Variants in ADD2 observed in about 807,000 individuals in gnomAD.
ADD2 encodes the protein beta-adducin.
A neutral mutation model predicts 83.0 loss-of-function variants in ADD2; 23 were observed. The ratio of observed to expected loss-of-function variants is 0.28; its 90% CI spans 0.20 to 0.39. The LOEUF (loss-of-function observed/expected upper bound fraction) is 0.39. Among genes scored for constraint, ADD2 ranks in the 10% least tolerant of loss-of-function variants. ADD2 has a pLI of 1.00. For missense variants in ADD2, 758 were observed against 944.9 expected, an observed-to-expected ratio of 0.80 and a Z score of 2.59; for synonymous variants, 375 against 375.4, an observed-to-expected ratio of 1.00 and a Z score of 0.01.
chr2:70,678,984 C>A, intron 10 of ADD2, 23 bp from the exon 11 acceptor site: 2 of 1,585,296 alleles, frequency 1.3e-6, no homozygotes, highest in South Asian at 1.2e-5. Context: ...AAAATAGAAC[C>A]ACTTATGGGG....
chr2:70,671,926 A>T (rs1169930466), intron 15 of ADD2, among the ~76,000 whole-genome samples: 1 of 152,144 alleles, frequency 6.6e-6, no homozygotes, highest in Non-Finnish European at 1.5e-5. Context: ...GGGACCTGGG[A>T]TGGAGTGTGC....
chr2:70,743,333 T>A (rs549074458), intron 1 of ADD2, among the ~76,000 whole-genome samples: 1 of 152,322 alleles, frequency 6.6e-6, no homozygotes, highest in African/African-American at 2.4e-5. Context: ...TTTGGTTGTA[T>A]TTTTACTCCA....
chr2:70,697,276 G>T (rs1042433894), intron 4 of ADD2, among the ~76,000 whole-genome samples: 4 of 152,242 alleles, frequency 2.6e-5, no homozygotes, highest in Non-Finnish European at 5.9e-5. Context: ...CTCAGGCAGG[G>T]TACCTAGGCT....
chr2:70,732,551 G>A (rs1227326605), intron 1 of ADD2, among the ~76,000 whole-genome samples: 2 of 152,126 alleles, frequency 1.3e-5, no homozygotes, highest in Non-Finnish European at 2.9e-5. Context: ...GACAGACTAC[G>A]AGACCAGGGT....
chr2:70,690,678 TTC>T (rs1670980371), intron 8 of ADD2, 106 bp downstream of exon 8: 2 of 1,303,254 alleles, frequency 1.5e-6, no homozygotes, highest in African/African-American at 3.0e-5. Flanking sequence ...TTTCTTTTTT[TTC>T]CCCCCTCTCT....
At chr2:70,767,809 C>A (rs1490294368) in intron 1 of ADD2, 77 bp downstream of exon 1, 33 of 1,521,250 alleles carry the variant, frequency 2.2e-5, no homozygotes, top group Non-Finnish European at 2.8e-5. Context: ...CCCGCCCGGC[C>A]GAGGGATGCC....
chr2:70,742,285 G>C (rs1005078230), intron 1 of ADD2, among the ~76,000 whole-genome samples: 1 of 152,090 alleles, frequency 6.6e-6, no homozygotes, highest in East Asian at 1.9e-4. Context: ...ACCCATTTGT[G>C]TCTGCTCACA....
At chr2:70,683,169 A>G (rs1353152450) in intron 10 of ADD2, among the ~76,000 whole-genome samples, 2 of 151,696 alleles carry the variant, frequency 1.3e-5, no homozygotes, top group African/African-American at 2.4e-5. Flanking sequence ...GACTACAGGT[A>G]TGTGCCACCA....
rs1275135393 is a variant in ADD2 at position 70,657,759 on chromosome 2, A to AT, written c.*5665_*5666insA. 2.0e-4 allele frequency: 30 copies of AT among 152,254 alleles called. No homozygotes were observed. Among genetic ancestry groups the AT allele is most frequent in the African/African-American group, 6.8e-4 (28 of 41,436 alleles). 9.4% of individuals were successfully genotyped at this position (152,254 alleles called of 1,614,324 possible). On this transcript the variant is annotated 3_prime_UTR_variant, in exon 16 of 16. Coordinates refer to ENST00000264436, the MANE Select transcript of ADD2 (RefSeq NM_001617.4). ...TACAGTTATTCTCCCACCACCCCCC[A>AT]AACTCTTACGTTTTCTTTAAACTAC...
chr2:70,656,923 G>T lies in ADD2; in HGVS notation c.*6502C>A, dbSNP rs1675377987. 2 of 152,198 alleles carry T rather than the reference G, an allele frequency of 1.3e-5. No homozygotes were observed. The highest frequency in any genetic ancestry group is 6.5e-5 in the Admixed American group (1 of 15,284). 9.4% of individuals were successfully genotyped at this position (152,198 alleles called of 1,614,324 possible). A position where few individuals can be genotyped will look rare whatever the true frequency, so the allele number is the denominator to read the frequency against. On this transcript the variant is annotated 3_prime_UTR_variant, in exon 16 of 16. Coordinates refer to ENST00000264436, the MANE Select transcript of ADD2 (RefSeq NM_001617.4). ...AAGCAGCAGGAGGGCTCAGGAAGTG[G>T]CTTTGGAAAGTTCTCGTGAAAATCA...
chr2:70,762,243 C>T (rs1176537830), intron 1 of ADD2, among the ~76,000 whole-genome samples: 1 of 151,394 alleles, frequency 6.6e-6, no homozygotes, highest in African/African-American at 2.4e-5. Flanking sequence ...AAGAAGAAAG[C>T]TTAAGAAGAA....
chr2:70,748,290 TAAAA>T (rs3836142), intron 1 of ADD2, among the ~76,000 whole-genome samples: 187 of 146,894 alleles, frequency 1.3e-3, no homozygotes, highest in East Asian at 4.6e-3. Flanking sequence ...CAAACACTGA[TAAAA>T]AAAAAAAAAA....
chr2:70,700,258 T>C (rs781981044), intron 4 of ADD2, among the ~76,000 whole-genome samples: 5 of 152,156 alleles, frequency 3.3e-5, no homozygotes, highest in Non-Finnish European at 5.9e-5. Context: ...CCATATTTTC[T>C]AAACATAATG....
At chr2:70,740,793 G>A (rs1476989053) in intron 1 of ADD2, among the ~76,000 whole-genome samples, 3 of 152,052 alleles carry the variant, frequency 2.0e-5, no homozygotes, top group South Asian at 2.1e-4. Context: ...TCCGCCTCCC[G>A]GCTTCAAGTG....
At chr2:70,715,390 C>A (rs1672413476) in intron 1 of ADD2, among the ~76,000 whole-genome samples, 2 of 152,188 alleles carry the variant, frequency 1.3e-5, no homozygotes, top group Admixed American at 1.3e-4. Context: ...GCGTTGAGAA[C>A]CTAGCTCTCT....
intron 1 of ADD2, among the ~76,000 whole-genome samples, chr2:70,757,242 CA>C (rs1253595704): frequency 1.3e-5 from 2 of 149,890 alleles, no homozygotes; most frequent in Admixed American, 6.7e-5. Context: ...TACAGCAGAA[CA>C]AAAAAACACA....
At chr2:70,710,634 G>A (rs1672133645) in intron 2 of ADD2, among the ~76,000 whole-genome samples, 1 of 152,230 alleles carries the variant, frequency 6.6e-6, no homozygotes. Context: ...GTTATGTGCA[G>A]AATGGCTTAG....
intron 10 of ADD2, among the ~76,000 whole-genome samples, chr2:70,680,140 C>T (rs1247199601): frequency 6.6e-6 from 1 of 152,118 alleles, no homozygotes; most frequent in Non-Finnish European, 1.5e-5. Flanking sequence ...AACACAAGGG[C>T]ATCAAAAACA....
At position 70,661,352 on chromosome 2, in the gene ADD2, A is replaced by G. The variant is rs1217214886; in HGVS notation, c.*2073T>C. 6.6e-6 allele frequency: 1 copy of G among 152,236 alleles called. No individual in the cohort carries two copies. The allele number at this position is 152,236 out of a possible 1,614,324, so 9.4% of individuals were successfully genotyped here. ...TGTAAGGATAAATGAATAAGTGTGA[A>G]ATCTACTTTTTAAAAGAAGGCATCA... On this transcript the variant is annotated 3_prime_UTR_variant, in exon 16 of 16. Transcript: ENST00000264436.
Sources: gnomAD v4.1 joint callset for allele counts (sites outside exome capture counted in the v4.1 genomes callset) on GRCh38, gnomAD v4.1.1 for gene constraint, MANE v1.5 for transcripts, NCBI Gene and HGNC (gene_info 2026-07-23, HGNC 2026-07-21) for gene names.